The following MYO16 variants were observed in gnomAD, a reference collection of about 807,000 sequenced individuals.
The protein encoded by MYO16 is myosin XVI, also known as unconventional myosin-XVI.
Under a neutral mutation model 205.3 loss-of-function variants are expected in MYO16, and 94 were observed. The ratio of observed to expected loss-of-function variants is 0.46; its 90% CI spans 0.39 to 0.54. The LOEUF (loss-of-function observed/expected upper bound fraction) is 0.54, where lower values mean the gene tolerates loss of function less well. Ranked by LOEUF, MYO16 falls within the 20% of genes least tolerant of loss-of-function variation. MYO16 has a pLI of 0.00. For synonymous variants in MYO16, 988 were observed against 954.0 expected (o/e 1.04, Z -0.66); for missense variants, 2,315 against 2,387.5 (o/e 0.97, Z 0.63).
chr13:109,020,821 G>A (rs988536313), intron 23 of MYO16, among the ~76,000 whole-genome samples: 3 of 152,056 alleles, frequency 2.0e-5, no homozygotes, highest in African/African-American at 2.4e-5. Flanking sequence ...AGTTCATTTC[G>A]ACCAGTGTTT....
chr13:108,535,101 CCTT>C, the MYO16 span, among the ~76,000 whole-genome samples: 1 of 150,856 alleles, frequency 6.6e-6, no homozygotes, highest in Non-Finnish European at 1.5e-5. Flanking sequence ...TTCCTTCCCT[CCTT>C]CTCCTCCTCC....
At chr13:108,928,271 G>C (rs192760606) in intron 16 of MYO16, among the ~76,000 whole-genome samples, 1 of 152,336 alleles carries the variant, frequency 6.6e-6, no homozygotes, top group Non-Finnish European at 1.5e-5. Context: ...GCAAGTGCCA[G>C]ACGCCCCATC....
At chr13:108,508,268 G>T in the MYO16 span, among the ~76,000 whole-genome samples, 215 of 138,040 alleles carry the variant, frequency 1.6e-3, no homozygotes, top group African/African-American at 5.5e-3. Context: ...AAAAAAAAAA[G>T]CTATCTTTCT....
At position 109,128,393 on chromosome 13, in the gene MYO16, G is replaced by A. The variant is rs59567575; in HGVS notation, c.4051+843G>A. Among the ~76,000 whole-genome samples the A allele has an allele frequency of 1.5e-3, 228 of 152,266 alleles. 2 individuals are homozygous for A. The highest frequency in any genetic ancestry group is 5.4e-3 in the African/African-American group (225 of 41,570). ...TGGAAGAGAGGTTGAGATTCTAAAT[G>A]AAACGGCTGGGTAGAACTCGCTAGA... is the stretch of plus-strand genomic sequence containing the variant. On this transcript the variant is annotated intron_variant, in intron 31 of 34. Transcript: ENST00000457511.
chr13:108,891,795 C>T (rs1025109188), intron 14 of MYO16, among the ~76,000 whole-genome samples: 3 of 152,162 alleles, frequency 2.0e-5, no homozygotes, highest in Admixed American at 6.5e-5. Context: ...TTTCCTAAAT[C>T]AATGCCATCT....
Position 109,206,866 on chromosome 13 carries a change from G to A in MYO16, c.*30G>A. 3 of 1,589,298 alleles carry A rather than the reference G, an allele frequency of 1.9e-6. No homozygotes were observed. The highest frequency in any genetic ancestry group is 2.6e-6 in the Non-Finnish European group (3 of 1,161,336). On this transcript the variant is annotated 3_prime_UTR_variant, in exon 35 of 35. Coordinates refer to ENST00000457511, the MANE Select transcript of MYO16 (RefSeq NM_001198950.3). Reference sequence around the variant, plus strand: ...GCCTGAACTGCAGACTTACAAAATAGAACTGCCTACTGATTCCGGGCTGCA... The same window carrying A: ...GCCTGAACTGCAGACTTACAAAATAAAACTGCCTACTGATTCCGGGCTGCA...
rs1188112533 is a variant in MYO16 at position 108,964,809 on chromosome 13, G to A, written c.2276G>A (p.Arg759Gln). The A allele has an allele frequency of 3.1e-6, 5 of 1,613,900 alleles. No homozygotes were observed. Among genetic ancestry groups the A allele is most frequent in the African/African-American group, 1.3e-5 (1 of 74,882 alleles). ...ACCATACAGATTGCTGAGTTTTTCCGAGACCTCTTGGCCAAGTCCCTGTAC... is the reference window on the plus strand; with the variant it reads ...ACCATACAGATTGCTGAGTTTTTCCAAGACCTCTTGGCCAAGTCCCTGTAC... Reference protein sequence around the residue: ...RHTIQIAEFFRDLLAKSLYSR... With the variant: ...RHTIQIAEFFQDLLAKSLYSR... Residue 759 changes from arginine (R) to glutamine (Q), a missense_variant, in exon 20 of 35, where the codon CGA becomes CAA. Physicochemically the swap from Arg to Gln is conservative, Grantham distance 43. Transcript: ENST00000457511.
At chr13:108,593,781 A>G (rs1878465484), upstream of MYO16, among the ~76,000 whole-genome samples, 1 of 152,120 alleles carries the variant, frequency 6.6e-6, no homozygotes, top group Non-Finnish European at 1.5e-5. Context: ...ATGAAGTCGC[A>G]CTTAGAGTCT....
At chr13:108,692,221 A>G (rs546495388) in intron 2 of MYO16, among the ~76,000 whole-genome samples, 2 of 152,308 alleles carry the variant, frequency 1.3e-5, no homozygotes, top group African/African-American at 4.8e-5. Flanking sequence ...CTTGCTCCTT[A>G]AAGAATGATC....
At chr13:108,779,207 A>G (rs1390460740) in intron 4 of MYO16, among the ~76,000 whole-genome samples, 2 of 152,180 alleles carry the variant, frequency 1.3e-5, no homozygotes, top group Non-Finnish European at 2.9e-5. Flanking sequence ...TAGGCTAACG[A>G]CACCCCTCAC....
chr13:108,791,912 C>A (rs1206981826), intron 5 of MYO16, among the ~76,000 whole-genome samples: 1 of 152,328 alleles, frequency 6.6e-6, no homozygotes, highest in Middle Eastern at 3.4e-3. Context: ...CTGTGCTAGG[C>A]TTTCTCTTGA....
At chr13:109,043,156 A>G (rs1886934560) in intron 23 of MYO16, among the ~76,000 whole-genome samples, 1 of 152,258 alleles carries the variant, frequency 6.6e-6, no homozygotes, top group Non-Finnish European at 1.5e-5. Flanking sequence ...GTATTTAGTT[A>G]CAGTATAACC....
intron 20 of MYO16, among the ~76,000 whole-genome samples, chr13:108,975,455 G>A (rs1884219482): frequency 6.6e-6 from 1 of 152,304 alleles, no homozygotes; most frequent in Admixed American, 6.5e-5. Flanking sequence ...AGCATAAATA[G>A]TAGTTTGCAA....
chr13:109,078,910 C>T (rs1888198121), intron 27 of MYO16, among the ~76,000 whole-genome samples: 1 of 152,160 alleles, frequency 6.6e-6, no homozygotes. Flanking sequence ...CTAATCCACT[C>T]TGGTCGTCCT....
intron 32 of MYO16, among the ~76,000 whole-genome samples, chr13:109,146,029 C>G (rs1319581805): frequency 6.6e-6 from 1 of 152,088 alleles, no homozygotes; most frequent in Non-Finnish European, 1.5e-5. Context: ...AAAATGATGT[C>G]AACAAAAAAG....
chr13:108,754,220 G>A (rs1188209775), intron 4 of MYO16, among the ~76,000 whole-genome samples: 1 of 151,938 alleles, frequency 6.6e-6, no homozygotes, highest in East Asian at 1.9e-4. Flanking sequence ...AAGACAAGCT[G>A]TAGCATGCAG....
intron 34 of MYO16, among the ~76,000 whole-genome samples, chr13:109,191,973 A>G (rs1879936838): frequency 6.6e-6 from 1 of 152,160 alleles, no homozygotes; most frequent in Non-Finnish European, 1.5e-5. Flanking sequence ...GACTCCAGGG[A>G]ATCTGGACCC....
chr13:109,140,325 A>T lies in MYO16; in HGVS notation c.4113A>T (p.Arg1371=). ...GCACCATGAAGAAGATTCCTCCTCGAAAGCCCAAGCGCAGCCCCAACACCA... is the reference window on the plus strand; with the variant it reads ...GCACCATGAAGAAGATTCCTCCTCGTAAGCCCAAGCGCAGCCCCAACACCA... The part of the protein sequence containing the change: ...DYSTMKKIPP[R]KPKRSPNTKL... Residue 1371 remains arginine (R), a synonymous_variant, in exon 32 of 35, where the codon CGA becomes CGT. Coordinates refer to ENST00000457511, the MANE Select transcript of MYO16 (RefSeq NM_001198950.3). The surrounding 1 kb of genome is among the most constrained non-coding windows in gnomAD (Gnocchi z 8.0). The T allele has an allele frequency of 6.2e-7, 1 of 1,603,082 alleles. No individual in the cohort carries two copies. Among genetic ancestry groups the T allele is most frequent in the Non-Finnish European group, 8.5e-7 (1 of 1,179,382 alleles).
chr13:108,660,807 T>G (rs557264019), intron 1 of MYO16, among the ~76,000 whole-genome samples: 2 of 152,356 alleles, frequency 1.3e-5, no homozygotes, highest in South Asian at 4.1e-4. Flanking sequence ...GTATCATTGC[T>G]TACATCATGC....
Sources: gnomAD v4.1 joint callset for allele counts (sites outside exome capture counted in the v4.1 genomes callset) on GRCh38, gnomAD v4.1.1 for gene constraint, Gnocchi (gnomAD v3.1) non-coding constraint, MANE v1.5 for transcripts, NCBI Gene and HGNC (gene_info 2026-07-23, HGNC 2026-07-21) for gene names.